The following TRPS1 variants were observed in gnomAD, a reference collection of about 807,000 sequenced individuals.
TRPS1 encodes zinc finger transcription factor Trps1.
TRPS1 carries 6 observed loss-of-function variants against 101.2 expected under a neutral mutation model. That is an observed-to-expected ratio of 0.06 (90% confidence interval 0.03 to 0.12). TRPS1 has a LOEUF of 0.12. TRPS1 is among the 10% of genes least tolerant of loss of function. The pLI, the probability that TRPS1 is intolerant of heterozygous loss-of-function variation, is 1.00. For synonymous variants in TRPS1, 578 were observed against 589.8 expected (o/e 0.98, Z 0.29); for missense variants, 1,363 against 1,567.0 (o/e 0.87, Z 2.20).
chr8:115,510,971 T>C (rs1013827052), intron 5 of TRPS1: 2 of 151,984 alleles, frequency 1.3e-5, no homozygotes, highest in African/African-American at 4.8e-5. Context: ...TCAAGGACTA[T>C]TAGTCTTATA....
At chr8:115,559,295 A>T (rs548995758) in intron 5 of TRPS1, among the ~76,000 whole-genome samples, 3 of 152,158 alleles carry the variant, frequency 2.0e-5, no homozygotes, top group Non-Finnish European at 2.9e-5. Context: ...AAGTGAGAGT[A>T]CATTATTCAC....
At chr8:115,506,515 T>C (rs1376679365) in intron 5 of TRPS1, among the ~76,000 whole-genome samples, 1 of 152,128 alleles carries the variant, frequency 6.6e-6, no homozygotes, top group Non-Finnish European at 1.5e-5. Flanking sequence ...TTGTTACTAT[T>C]ACATTGCCTG....
intron 5 of TRPS1, among the ~76,000 whole-genome samples, chr8:115,452,125 T>C (rs1382638035): frequency 3.3e-5 from 5 of 152,190 alleles, no homozygotes; most frequent in African/African-American, 1.2e-4. Context: ...AGTTCGCATA[T>C]CAAATTAAAC....
At chr8:115,515,261 G>C in intron 5 of TRPS1, 2 of 698,178 alleles carry the variant, frequency 2.9e-6, no homozygotes, top group Non-Finnish European at 5.2e-6. Flanking sequence ...CTCTTCGGGA[G>C]TCATCCAAGC....
At chr8:115,528,443 A>G (rs764499365) in intron 5 of TRPS1, among the ~76,000 whole-genome samples, 28 of 152,228 alleles carry the variant, frequency 1.8e-4, no homozygotes, top group South Asian at 6.2e-4. Flanking sequence ...TGAGAGGGTC[A>G]GGATTACAAC....
At chr8:115,560,097 CTGTTTGTT>C (rs72315836) in intron 5 of TRPS1, among the ~76,000 whole-genome samples, 7,613 of 152,014 alleles carry the variant, frequency 0.05, 671 homozygotes, top group African/African-American at 0.17. Flanking sequence ...TCTGATTAAT[CTGTTTGTT>C]TGTTTGTTTT....
intron 1 of TRPS1, among the ~76,000 whole-genome samples, chr8:115,628,908 C>T (rs999101394): frequency 1.3e-5 from 2 of 151,794 alleles, no homozygotes; most frequent in African/African-American, 4.8e-5. Context: ...ACATATCCCT[C>T]CCAGAGATCC....
At position 115,533,445 on chromosome 8, in the gene TRPS1, T is replaced by TTTTTTTTTTTTTTTA. The variant is rs1816195233; in HGVS notation, c.2700+53555_2700+53556insTAAAAAAAAAAAAAA. Among the ~76,000 whole-genome samples the TTTTTTTTTTTTTTTA allele has an allele frequency of 1.6e-5, 2 of 127,706 alleles. 1 individual carries two copies. The highest frequency in any genetic ancestry group is 3.2e-5 in the Non-Finnish European group (2 of 63,144). The allele number at this position is 127,706 out of a possible 152,430, so 83.8% of individuals were successfully genotyped here. On this transcript the variant is annotated intron_variant, in intron 5 of 6. Transcript: ENST00000395715. ...TTCCCACATGTAATCTGTTTTTTTT[T>TTTTTTTTTTTTTTTA]TTTTTTTTTTTTTTCCTGAAAAAAA...
In TRPS1 at chr8:115,414,659, C is replaced by G; in HGVS notation, c.3249G>C (p.Lys1083Asn). Residue 1083 changes from lysine (K) to asparagine (N), a missense_variant, in exon 7 of 7, where the codon AAG becomes AAC. Physicochemically the swap from Lys to Asn is moderately conservative, Grantham distance 94. Coordinates refer to ENST00000395715, the MANE Select transcript of TRPS1 (RefSeq NM_014112.5). The surrounding 1 kb of genome is among the most constrained non-coding windows in gnomAD (Gnocchi z 4.8). ...TTGGGTGTTTCGCAGGTCTCATGTA[C>G]TTTTCTATAGGACTGCCTCTCTCAG... Reference protein sequence around the residue: ...GSSERGSPIEKYMRPAKHPNY... With the variant: ...GSSERGSPIENYMRPAKHPNY... The G allele has an allele frequency of 6.2e-7, 1 of 1,614,092 alleles. No homozygotes were observed. Among genetic ancestry groups the G allele is most frequent in the Non-Finnish European group, 8.5e-7 (1 of 1,179,972 alleles).
intron 5 of TRPS1, among the ~76,000 whole-genome samples, chr8:115,513,648 G>A (rs1028706320): frequency 5.9e-5 from 9 of 151,512 alleles, no homozygotes; most frequent in Admixed American, 5.3e-4. Flanking sequence ...ATACTACAAT[G>A]TCACAGTTGA....
intron 5 of TRPS1, among the ~76,000 whole-genome samples, chr8:115,425,756 T>C (rs775393579): frequency 1.1e-3 from 161 of 152,324 alleles, no homozygotes; most frequent in Non-Finnish European, 1.8e-3. Context: ...CACACAGATA[T>C]AAAACCTATT....
chr8:115,554,676 A>C (rs1299191748), intron 5 of TRPS1, among the ~76,000 whole-genome samples: 1 of 152,200 alleles, frequency 6.6e-6, no homozygotes, highest in Non-Finnish European at 1.5e-5. Flanking sequence ...AGTCTGGTTA[A>C]ATGTGAGATT....
chr8:115,626,254 G>T (rs1045642545), intron 1 of TRPS1, among the ~76,000 whole-genome samples: 17 of 149,232 alleles, frequency 1.1e-4, no homozygotes, highest in African/African-American at 3.9e-4. Context: ...GTTCAGTTTT[G>T]AAAGAACATA....
At chr8:115,437,604 A>G (rs909499901) in intron 5 of TRPS1, among the ~76,000 whole-genome samples, 1 of 152,202 alleles carries the variant, frequency 6.6e-6, no homozygotes, top group African/African-American at 2.4e-5. Context: ...TAAATAATTG[A>G]CAAAAGTGTC....
rs374200567 is a variant in TRPS1 at position 115,511,639 on chromosome 8, G to T, written c.2700+75362C>A. On this transcript the variant is annotated intron_variant, in intron 5 of 6. Transcript: ENST00000395715. ...CAAAGACCCACAGCGACCTGACAAA[G>T]ATCTGACATATTCTGGGTTTCCCCA... is the stretch of plus-strand genomic sequence containing the variant. Among the ~76,000 whole-genome samples the T allele has an allele frequency of 4.0e-5, 6 of 151,852 alleles. No individual in the cohort carries two copies. The East Asian group carries it at 9.7e-4, about 24-fold the overall frequency.
intron 5 of TRPS1, among the ~76,000 whole-genome samples, chr8:115,583,421 T>C (rs1421010904): frequency 1.3e-5 from 2 of 152,106 alleles, no homozygotes; most frequent in Non-Finnish European, 2.9e-5. Flanking sequence ...CATGTTAACC[T>C]CTTCACAGAC....
rs1209400744 is a variant in TRPS1 at position 115,414,714 on chromosome 8, C to T, written c.3194G>A (p.Ser1065Asn). The T allele has an allele frequency of 6.2e-7, 1 of 1,614,082 alleles. No homozygotes were observed. Among genetic ancestry groups the T allele is most frequent in the Non-Finnish European group, 8.5e-7 (1 of 1,179,962 alleles). The change falls in exon 7 of 7, where the codon AGT becomes AAT. Residue 1065 changes from serine (S) to asparagine (N), a missense_variant. Ser to Asn is a conservative substitution (Grantham distance 46). Transcript: ENST00000395715. The surrounding 1 kb of genome is among the most constrained non-coding windows in gnomAD (Gnocchi z 4.8). ...TCCTTTCCCTTCAGATACGGATGAA[C>T]TATTTCCTGGATCTCCAGTACTTTC... is the stretch of plus-strand genomic sequence containing the variant. ...PQESTGDPGN[S>N]SSVSEGKGSS...
chr8:115,626,360 A>G (rs1182966051), intron 1 of TRPS1, among the ~76,000 whole-genome samples: 2 of 151,668 alleles, frequency 1.3e-5, no homozygotes, highest in African/African-American at 4.8e-5. Flanking sequence ...AGTGAACTAT[A>G]AAATGCAAGA....
At chr8:115,651,719 G>T (rs1811564030) in intron 1 of TRPS1, among the ~76,000 whole-genome samples, 1 of 152,206 alleles carries the variant, frequency 6.6e-6, no homozygotes, top group Non-Finnish European at 1.5e-5. Context: ...TCAGGAAGAA[G>T]AATACAGAAG....
Sources: allele counts gnomAD v4.1 joint callset (sites outside exome capture counted in the v4.1 genomes callset), GRCh38; gene constraint gnomAD v4.1.1; non-coding constraint Gnocchi (gnomAD v3.1); transcripts MANE v1.5; gene names NCBI Gene and HGNC (gene_info 2026-07-23, HGNC 2026-07-21).